Variants in TMEM128 observed in about 807,000 individuals in gnomAD.
TMEM128 encodes transmembrane protein 128.
In TMEM128, 16 loss-of-function variants were observed where a neutral mutation model predicts 19.7. The observed-to-expected ratio is 0.81, with a 90% CI of 0.55 to 1.23. TMEM128 has a LOEUF of 1.23. TMEM128 is among the 50% of genes most tolerant of loss of function. TMEM128 has a pLI of 0.00. For synonymous variants in TMEM128, 98 were observed against 75.8 expected (o/e 1.29, Z -1.52); for missense variants, 237 against 200.8 (o/e 1.18, Z -1.09).
intron 4 of TMEM128, among the ~76,000 whole-genome samples, chr4:4,236,801 G>C (rs1244273887): frequency 6.6e-6 from 1 of 152,238 alleles, no homozygotes; most frequent in Admixed American, 6.5e-5. Flanking sequence ...GTTTTTAGCA[G>C]AAATGTCAGT....
chr4:4,246,615 G>A (rs559908436), intron 1 of TMEM128, among the ~76,000 whole-genome samples: 11 of 152,256 alleles, frequency 7.2e-5, no homozygotes, highest in African/African-American at 2.6e-4. Context: ...ATGTCACCTG[G>A]AAATGTAAGA....
rs956579889 is a variant in TMEM128, at chr4:4,240,486, A to C, written c.240-7T>G. 1.9e-6 allele frequency: 3 copies of C among 1,610,442 alleles called. No individual in the cohort carries two copies. The highest frequency in any genetic ancestry group is 2.5e-6 in the Non-Finnish European group (3 of 1,178,084). On this transcript the variant is annotated splice_region_variant and splice_polypyrimidine_tract_variant and intron_variant, in intron 2 of 4. Transcript: ENST00000382753. ...ACTGCCACAGAGAAACCAGCTGTGG[A>C]GATAAAAACAGTAAGAGGTCTGACA...
In TMEM128 at chr4:4,248,178, G is replaced by A. The variant is rs920334936; in HGVS notation, c.25C>T (p.Gln9Ter). ...AGGAGGAGGAATCGCCGCCGGAGCT[G>A]CTGCCGGGCCCGCGAGGAGTCCATC... MDSSRARQ[Q>*]LRRRFLLLPD... The change falls in exon 1 of 5, where the codon CAG becomes TAG. Residue 9 changes from glutamine to a stop codon, truncating the protein, a stop_gained. Transcript: ENST00000382753. LOFTEE classifies it high-confidence loss of function. The A allele has an allele frequency of 1.6e-5, 24 of 1,531,084 alleles. No individual in the cohort carries two copies. Among genetic ancestry groups the A allele is most frequent in the Non-Finnish European group, 2.0e-5 (23 of 1,139,904 alleles). 94.8% of individuals were successfully genotyped at this position (1,531,084 alleles called of 1,614,324 possible).
chr4:4,246,433 C>T (rs534723156), intron 1 of TMEM128, 90 bp from the exon 2 acceptor site: 1 of 1,313,260 alleles, frequency 7.6e-7, no homozygotes, highest in East Asian at 2.4e-5. Context: ...TTTCCTAGAG[C>T]TAAGAAACAG....
chr4:4,243,485 T>A (rs1485461766), intron 2 of TMEM128, among the ~76,000 whole-genome samples: 1 of 152,136 alleles, frequency 6.6e-6, no homozygotes, highest in Non-Finnish European at 1.5e-5. Flanking sequence ...GAAAAAGAAA[T>A]CACCTCAGGC....
chr4:4,241,962 C>T (rs968228901), intron 2 of TMEM128, among the ~76,000 whole-genome samples: 6 of 151,904 alleles, frequency 3.9e-5, no homozygotes, highest in African/African-American at 1.5e-4. Flanking sequence ...GAGTGCAGTG[C>T]TGCAATCTCA....
At chr4:4,238,295 A>G (rs1420079512) in intron 3 of TMEM128, among the ~76,000 whole-genome samples, 1 of 152,250 alleles carries the variant, frequency 6.6e-6, no homozygotes. Context: ...ATGGTAAAAA[A>G]GACCAAAATA....
At position 4,245,399 on chromosome 4, in the gene TMEM128, C is replaced by A. The variant is rs140623834; in HGVS notation, c.239+803G>T. Among the ~76,000 whole-genome samples the A allele has an allele frequency of 1.5e-3, 222 of 152,278 alleles. 2 individuals carry two copies. The South Asian group carries it at 0.022, about 15-fold the overall frequency. On this transcript the variant is annotated intron_variant, in intron 2 of 4. Transcript: ENST00000382753. The stretch of plus-strand genomic sequence containing the variant: ...CACCTCCACTCTAACACAGTTACAC[C>A]CTGTAGTTACCTTGTCAGCTGTAAC...
At position 4,247,940 on chromosome 4, in the gene TMEM128, G is replaced by A. The variant is rs1718260686; in HGVS notation, c.97+166C>T. 4 of 1,431,594 alleles carry A rather than the reference G, an allele frequency of 2.8e-6. No homozygotes were observed. In the Admixed American group the frequency reaches 8.8e-5, roughly 32 times the overall value. The allele number at this position is 1,431,594 out of a possible 1,614,324, so 88.7% of individuals were successfully genotyped here. A position where few individuals can be genotyped will look rare whatever the true frequency, so the allele number is the denominator to read the frequency against. On this transcript the variant is annotated intron_variant, in intron 1 of 4. Transcript: ENST00000382753. ...GAGAATTCTGAAGCGCAGCTGAAAT[G>A]ACGATGCACAGCACTCCGCGATTCT... is the stretch of plus-strand genomic sequence containing the variant.
At chr4:4,247,016 A>G (rs1001732239) in intron 1 of TMEM128, among the ~76,000 whole-genome samples, 2 of 152,164 alleles carry the variant, frequency 1.3e-5, no homozygotes, top group African/African-American at 2.4e-5. Flanking sequence ...AGCCCGCCTC[A>G]GCCTCTCAAA....
At chr4:4,243,388 GTTT>G (rs991653293) in intron 2 of TMEM128, among the ~76,000 whole-genome samples, 1 of 152,134 alleles carries the variant, frequency 6.6e-6, no homozygotes, top group African/African-American at 2.4e-5. Flanking sequence ...GGCCTGTTTT[GTTT>G]TTAATATGGA....
At chr4:4,243,020 G>A (rs1718024097) in intron 2 of TMEM128, among the ~76,000 whole-genome samples, 1 of 152,140 alleles carries the variant, frequency 6.6e-6, no homozygotes, top group African/African-American at 2.4e-5. Context: ...ATGCACACAA[G>A]CCGAGTATTT....
At chr4:4,245,870 A>G (rs1718148610) in intron 2 of TMEM128, among the ~76,000 whole-genome samples, 1 of 152,128 alleles carries the variant, frequency 6.6e-6, no homozygotes, top group South Asian at 2.1e-4. Flanking sequence ...CAAGTTAATT[A>G]TCACACTCAT....
At chr4:4,243,097 T>G (rs565880371) in intron 2 of TMEM128, among the ~76,000 whole-genome samples, 1 of 152,158 alleles carries the variant, frequency 6.6e-6, no homozygotes, top group South Asian at 2.1e-4. Context: ...TTAATTTTTT[T>G]AAGACGGAGT....
intron 3 of TMEM128, 25 bp downstream of exon 3, chr4:4,240,296 G>C: frequency 1.2e-6 from 2 of 1,611,498 alleles, no homozygotes; most frequent in Non-Finnish European, 1.7e-6. Context: ...GTTCATTCCT[G>C]TTAGTCATTT....
chr4:4,243,598 C>T (rs12512882), intron 2 of TMEM128, among the ~76,000 whole-genome samples: 4 of 151,816 alleles, frequency 2.6e-5, no homozygotes, highest in Non-Finnish European at 4.4e-5. Flanking sequence ...TACCCCCCAA[C>T]TCCCCTTAAT....
At chr4:4,240,218 GT>G (rs1270512367) in intron 3 of TMEM128, 102 bp downstream of exon 3, 1 of 1,184,196 alleles carries the variant, frequency 8.4e-7, no homozygotes, top group Non-Finnish European at 1.2e-6. Flanking sequence ...CTATTTTTCT[GT>G]TTTAACTTTT....
chr4:4,247,863 G>A, intron 1 of TMEM128: 1 of 1,428,470 alleles, frequency 7.0e-7, no homozygotes, highest in South Asian at 1.5e-5. Context: ...AAACTGGTGG[G>A]TATTTTTAAT....
chr4:4,240,668 C>T (rs1717917883), intron 2 of TMEM128, among the ~76,000 whole-genome samples, 189 bp from the exon 3 acceptor site: 1 of 152,178 alleles, frequency 6.6e-6, no homozygotes, highest in Non-Finnish European at 1.5e-5. Context: ...AAAAGAGATA[C>T]ACAACTCAGG....
Sources: allele counts gnomAD v4.1 joint callset (sites outside exome capture counted in the v4.1 genomes callset), GRCh38; gene constraint gnomAD v4.1.1; transcripts MANE v1.5; gene names NCBI Gene and HGNC (gene_info 2026-07-23, HGNC 2026-07-21).